Variants in CDH1 observed in about 807,000 individuals in gnomAD.
The protein encoded by CDH1 is cadherin-1.
Under a neutral mutation model 84.5 loss-of-function variants are expected in CDH1, and 35 were observed. The observed-to-expected ratio is 0.41, with a 90% confidence interval of 0.32 to 0.55. The LOEUF (loss-of-function observed/expected upper bound fraction) is 0.55, where lower values mean the gene tolerates loss of function less well. CDH1 is among the 20% of genes least tolerant of loss of function. The pLI, the probability that CDH1 is intolerant of heterozygous loss-of-function variation, is 0.19. For missense variants in CDH1, 994 were observed against 1,126.6 expected, an observed-to-expected ratio of 0.88 and a Z score of 1.68; for synonymous variants, 417 against 439.0, an observed-to-expected ratio of 0.95 and a Z score of 0.63.
intron 14 of CDH1, 139 bp downstream of exon 14, chr16:68,828,443 C>A: frequency 2.5e-6 from 2 of 785,980 alleles, no homozygotes; most frequent in South Asian, 1.5e-5. Flanking sequence ...AGAAAGTAGA[C>A]ATTGTCATTG....
intron 2 of CDH1, among the ~76,000 whole-genome samples, chr16:68,778,721 G>C (rs1959797870): frequency 6.6e-6 from 1 of 152,228 alleles, no homozygotes; most frequent in African/African-American, 2.4e-5. Flanking sequence ...GTTTAAAAGA[G>C]AAAGCAGTAG....
chr16:68,744,397 G>A (rs573509435), intron 2 of CDH1, among the ~76,000 whole-genome samples: 5 of 152,114 alleles, frequency 3.3e-5, no homozygotes, highest in Non-Finnish European at 5.9e-5. Context: ...AATCTGTGGT[G>A]CATGCTCACT....
At chr16:68,771,355 C>T (rs1304912331) in intron 2 of CDH1, among the ~76,000 whole-genome samples, 1 of 152,162 alleles carries the variant, frequency 6.6e-6, no homozygotes, top group Non-Finnish European at 1.5e-5. Context: ...GTGCAGATCA[C>T]AGCTCGCTGT....
In CDH1 at chr16:68,815,696, T is replaced by C; in HGVS notation, c.1502T>C (p.Val501Ala). 1 of 1,614,254 alleles carries C rather than the reference T, an allele frequency of 6.2e-7. No individual in the cohort carries two copies. Among genetic ancestry groups the C allele is most frequent in the Non-Finnish European group, 8.5e-7 (1 of 1,180,050 alleles). Residue 501 changes from valine to alanine, a missense_variant, in exon 10 of 16, where the codon GTG becomes GCG. This residue lies in a region of CDH1 where 769 missense variants were observed against 881.8 expected (regional missense o/e 0.87). Coordinates refer to ENST00000261769, the MANE Select transcript of CDH1 (RefSeq NM_004360.5). ...GTGGAAGTGTCCGAGGACTTTGGCG[T>C]GGGCCAGGAAATCACATCCTACACT... ...KRVEVSEDFG[V>A]GQEITSYTAQ...
At position 68,815,722 on chromosome 16, in the gene CDH1, G is replaced by T. The variant is rs1273354402; in HGVS notation, c.1528G>T (p.Ala510Ser). 6.2e-7 allele frequency: 1 copy of T among 1,614,220 alleles called. No individual in the cohort carries two copies. Among genetic ancestry groups the T allele is most frequent in the South Asian group, 1.1e-5 (1 of 91,090 alleles). Residue 510 changes from alanine to serine, a missense_variant, in exon 10 of 16, where the codon GCC (alanine) becomes TCC (serine). Coordinates refer to ENST00000261769, the MANE Select transcript of CDH1 (RefSeq NM_004360.5). ...GGGCCAGGAAATCACATCCTACACT[G>T]CCCAGGAGCCAGACACATTTATGGA... ...GVGQEITSYT[A>S]QEPDTFMEQK...
chr16:68,830,462 A>G (rs1961456480), intron 15 of CDH1, among the ~76,000 whole-genome samples: 1 of 152,146 alleles, frequency 6.6e-6, no homozygotes, highest in Non-Finnish European at 1.5e-5. Flanking sequence ...ATAATGATAA[A>G]TGTACATGAC....
At chr16:68,778,163 T>C (rs972536601) in intron 2 of CDH1, among the ~76,000 whole-genome samples, 47 of 152,208 alleles carry the variant, frequency 3.1e-4, no homozygotes, top group African/African-American at 9.4e-4. Context: ...TTCTCCTGCC[T>C]TAGCTTCCCA....
chr16:68,831,530 A>ATTTATTTTTATT (rs61322197), intron 15 of CDH1, among the ~76,000 whole-genome samples: 3 of 150,020 alleles, frequency 2.0e-5, no homozygotes, highest in African/African-American at 5.0e-5. Flanking sequence ...TTATTTATTT[A>ATTTATTTTTATT]TTTATTTTTA....
chr16:68,810,119 A>C (rs1050492827), intron 5 of CDH1, 78 bp from the exon 6 acceptor site: 1 of 1,519,540 alleles, frequency 6.6e-7, no homozygotes, highest in Non-Finnish European at 9.1e-7. Context: ...AGGGGGGCGC[A>C]CTCTGCTCTG....
At chr16:68,819,682 T>C (rs1961088480) in intron 11 of CDH1, among the ~76,000 whole-genome samples, 1 of 152,174 alleles carries the variant, frequency 6.6e-6, no homozygotes, top group Non-Finnish European at 1.5e-5. Context: ...GTTCATCATC[T>C]ACCCCCTCCC....
At chr16:68,767,912 TAGAG>T (rs1260937294) in intron 2 of CDH1, among the ~76,000 whole-genome samples, 1 of 152,052 alleles carries the variant, frequency 6.6e-6, no homozygotes, top group Non-Finnish European at 1.5e-5. Flanking sequence ...TGGGGCAACA[TAGAG>T]AGACCCCCAT....
intron 2 of CDH1, among the ~76,000 whole-genome samples, chr16:68,784,395 C>T (rs568122347): frequency 6.6e-6 from 1 of 152,148 alleles, no homozygotes; most frequent in African/African-American, 2.4e-5. Context: ...GGTCAACTGA[C>T]ATCCAGCATT....
At chr16:68,810,448 T>TA (rs1960790450) in intron 6 of CDH1, 107 bp downstream of exon 6, 4 of 1,064,268 alleles carry the variant, frequency 3.8e-6, no homozygotes, top group Non-Finnish European at 5.8e-6. Flanking sequence ...TGATCCTTCC[T>TA]ACGGACAGAA....
At chr16:68,745,814 TTTAC>T (rs1002825055) in intron 2 of CDH1, among the ~76,000 whole-genome samples, 12 of 151,622 alleles carry the variant, frequency 7.9e-5, no homozygotes, top group Middle Eastern at 6.8e-3. Flanking sequence ...GAACTTGACA[TTTAC>T]TTACTTATTT....
chr16:68,739,693 C>T (rs1962507853), intron 2 of CDH1, among the ~76,000 whole-genome samples: 1 of 149,356 alleles, frequency 6.7e-6, no homozygotes, highest in Non-Finnish European at 1.5e-5. Flanking sequence ...CGGCTCACTG[C>T]CACCTCTGGC....
intron 2 of CDH1, among the ~76,000 whole-genome samples, chr16:68,749,256 G>A (rs1249526994): frequency 6.6e-6 from 1 of 152,218 alleles, no homozygotes; most frequent in African/African-American, 2.4e-5. Context: ...GGAGAAAGAG[G>A]AACAATTCAG....
intron 2 of CDH1, among the ~76,000 whole-genome samples, chr16:68,757,066 A>C (rs1963034655): frequency 6.6e-6 from 1 of 152,038 alleles, no homozygotes; most frequent in African/African-American, 2.4e-5. Flanking sequence ...GATGTTTCAG[A>C]GCTGTATTTT....
intron 2 of CDH1, among the ~76,000 whole-genome samples, chr16:68,776,686 A>G (rs937952765): frequency 6.6e-6 from 1 of 152,198 alleles, no homozygotes; most frequent in African/African-American, 2.4e-5. Flanking sequence ...TTCATTTTAT[A>G]TTGCAGCTTT....
rs190608999 is a variant in CDH1, at chr16:68,811,917, C to T, written c.1008+58C>T. On this transcript the variant is annotated intron_variant, in intron 7 of 15. Coordinates refer to ENST00000261769, the MANE Select transcript of CDH1 (RefSeq NM_004360.5). ...GGACAAATGTGTATTAGCTCAATCC[C>T]GTGGACAAAGCAAAATCCTGCTAGG... is the stretch of plus-strand genomic sequence containing the variant. 6.9e-5 allele frequency: 109 copies of T among 1,587,680 alleles called. No individual in the cohort carries two copies. The African/African-American group carries it at 1.1e-3, about 16-fold the overall frequency.
Sources: gnomAD v4.1 joint callset for allele counts (sites outside exome capture counted in the v4.1 genomes callset) on GRCh38, gnomAD v4.1.1 for gene constraint, gnomAD v4.1.1 regional missense constraint, MANE v1.5 for transcripts, NCBI Gene and HGNC (gene_info 2026-07-23, HGNC 2026-07-21) for gene names.